ALG8: variants seen among roughly 807,000 people sequenced by gnomAD.
ALG8 encodes ALG8 alpha-1,3-glucosyltransferase.
Under a neutral mutation model 70.2 loss-of-function variants are expected in ALG8, and 48 were observed. The observed-to-expected ratio is 0.68, with a 90% CI of 0.54 to 0.87. ALG8 has a LOEUF of 0.87. ALG8 is among the 40% of genes least tolerant of loss of function. ALG8 has a pLI of 0.00. For missense variants in ALG8, 572 were observed against 608.7 expected (o/e 0.94, Z 0.64); for synonymous variants, 234 against 229.0 (o/e 1.02, Z -0.20).
chr11:78,108,280 AAAAAACAAAAAC>A (rs895083914), intron 9 of ALG8, among the ~76,000 whole-genome samples: 7 of 152,058 alleles, frequency 4.6e-5, no homozygotes, highest in Admixed American at 6.6e-5. Context: ...CTCCCGTCTC[AAAAAACAAAAAC>A]AAAAACAAAA....
intron 10 of ALG8, among the ~76,000 whole-genome samples, chr11:78,105,370 A>C (rs1248858159): frequency 6.6e-6 from 1 of 152,184 alleles, no homozygotes. Flanking sequence ...ACTTACATTT[A>C]AAATGGTTTT....
At chr11:78,132,593 G>A (rs1053341013) in intron 1 of ALG8, among the ~76,000 whole-genome samples, 1 of 152,032 alleles carries the variant, frequency 6.6e-6, no homozygotes, top group Admixed American at 6.6e-5. Flanking sequence ...AGCTACACTG[G>A]CCTTATCATA....
At position 78,103,966 on chromosome 11, in the gene ALG8, AT is replaced by A. The variant is rs767722108; in HGVS notation, c.1349+13del. 21 of 1,390,902 alleles carry A rather than the reference AT, an allele frequency of 1.5e-5. No homozygotes were observed. The highest frequency in any genetic ancestry group is 2.4e-5 in the South Asian group (2 of 83,566). The allele number at this position is 1,390,902 out of a possible 1,614,324, so 86.2% of individuals were successfully genotyped here. ...CACAAGAGTAAGTATAATTTTAAAC[AT>A]TTTTTTGATTACCTGAATAAAGTCT... On this transcript the variant is annotated intron_variant, in intron 12 of 12. Transcript: ENST00000299626.
Position 78,124,072 on chromosome 11 carries a change from T to C in ALG8, c.317A>G (p.Gln106Arg). The C allele has an allele frequency of 1.2e-6, 2 of 1,614,062 alleles. No homozygotes were observed. The highest frequency in any genetic ancestry group is 8.5e-7 in the Non-Finnish European group (1 of 1,179,952). The change falls in exon 3 of 13, where the codon CAG becomes CGG. Residue 106 changes from glutamine to arginine, a missense_variant. By Grantham distance (43) the Gln-to-Arg change is conservative (BLOSUM62 1). Transcript: ENST00000299626. ...ATCCATAAAGATGACGGAAAATCTC[T>C]GGAAAAGTAAGGTCCTTGAGCTGGA... ...NYSSSRTLLF[Q>R]RFSVIFMDVL... is the part of the protein sequence containing the mutation.
chr11:78,126,029 G>A (rs974991372), intron 2 of ALG8, among the ~76,000 whole-genome samples: 2 of 151,894 alleles, frequency 1.3e-5, no homozygotes, highest in African/African-American at 2.4e-5. Context: ...CATGGTGGCG[G>A]GCGCCTGTAG....
At position 78,112,723 on chromosome 11, in the gene ALG8, GC is replaced by G. The variant is rs745894763; in HGVS notation, c.824del (p.Gly275AlafsTer27). 1.9e-6 allele frequency: 3 copies of G among 1,613,920 alleles called. No homozygotes were observed. In the East Asian group the frequency reaches 6.7e-5, roughly 36 times the overall value. On this transcript the variant is annotated frameshift_variant, in exon 8 of 13. Coordinates refer to ENST00000299626, the MANE Select transcript of ALG8 (RefSeq NM_024079.5). LOFTEE classifies it high-confidence loss of function. Reference sequence around the variant, plus strand: ...TTGGAGCCCAATATGCATGACAGAGGCCCCTCTTGAAAGGAAAGAGTCGGGA... The same window carrying G: ...TTGGAGCCCAATATGCATGACAGAGGCCCTCTTGAAAGGAAAGAGTCGGGA... ...VFSRLFPFKRGLCHAYWAPNF... is the reference protein window; with the variant it reads ...VFSRLFPFKRXLCHAYWAPNF...
rs113320745 is a variant in ALG8 at position 78,126,972 on chromosome 11, G to A, written c.174+386C>T. On this transcript the variant is annotated intron_variant, in intron 2 of 12. Transcript: ENST00000299626. ...TTTTATAAAGATTAATTAGATCTAT[G>A]ATTGCAAGAAAATTTTTTTTTTTTT... Among the ~76,000 whole-genome samples the A allele has an allele frequency of 7.1e-3, 1,044 of 146,796 alleles. 7 individuals carry two copies. The highest frequency in any genetic ancestry group is 0.027 in the African/African-American group (1,008 of 37,758).
chr11:78,107,029 A>G (rs1860064569), intron 9 of ALG8, 83 bp from the exon 10 acceptor site: 14 of 1,519,280 alleles, frequency 9.2e-6, no homozygotes, highest in African/African-American at 1.4e-5. Flanking sequence ...TACAATTTGC[A>G]TCATCTCTGA....
chr11:78,129,291 G>A (rs1861205767), intron 1 of ALG8, among the ~76,000 whole-genome samples: 1 of 151,852 alleles, frequency 6.6e-6, no homozygotes, highest in African/African-American at 2.4e-5. Context: ...GTGGTGGTGG[G>A]CGCCTGTAGT....
chr11:78,139,369 G>T lies in ALG8; in HGVS notation c.95+125C>A, dbSNP rs886817645. Reference sequence around the variant, plus strand: ...TGGCGAAACAGAAAGCTTAGCAAAGGCAGGATAGCGACAAACACGACCTAA... The same window carrying T: ...TGGCGAAACAGAAAGCTTAGCAAAGTCAGGATAGCGACAAACACGACCTAA... On this transcript the variant is annotated intron_variant, in intron 1 of 12. Transcript: ENST00000299626. The T allele has an allele frequency of 8.3e-6, 8 of 965,128 alleles. No homozygotes were observed. In the South Asian group the frequency reaches 9.9e-5, roughly 12 times the overall value. The allele number at this position is 965,128 out of a possible 1,614,324, so 59.8% of individuals were successfully genotyped here.
intron 5 of ALG8, among the ~76,000 whole-genome samples, chr11:78,116,753 C>T (rs7940703): frequency 0.021 from 3,223 of 152,164 alleles, 117 homozygotes; most frequent in African/African-American, 0.074. Context: ...CTATCCACCT[C>T]ACAGGAATTT....
intron 9 of ALG8, 140 bp downstream of exon 9, chr11:78,109,302 A>G (rs1355881276): frequency 8.8e-7 from 1 of 1,142,778 alleles, no homozygotes. Flanking sequence ...AATTGCTAGG[A>G]AATGCTTCAA....
chr11:78,119,412 T>C (rs1035089136), intron 4 of ALG8, among the ~76,000 whole-genome samples, 163 bp from the exon 5 acceptor site: 1 of 150,178 alleles, frequency 6.7e-6, no homozygotes, highest in African/African-American at 2.5e-5. Context: ...ATAAACAGAT[T>C]CAAATTTTTT....
intron 3 of ALG8, among the ~76,000 whole-genome samples, chr11:78,123,167 A>G (rs1485772095): frequency 1.3e-5 from 2 of 152,016 alleles, no homozygotes; most frequent in East Asian, 3.9e-4. Flanking sequence ...TTAGCCTGCC[A>G]TGGTGGTGTG....
chr11:78,115,313 C>A (rs555526871), intron 5 of ALG8, among the ~76,000 whole-genome samples: 1 of 151,994 alleles, frequency 6.6e-6, no homozygotes. Flanking sequence ...GGATTACAGG[C>A]GTGAACCGCC....
chr11:78,138,096 A>C (rs1861622568), intron 1 of ALG8, among the ~76,000 whole-genome samples: 2 of 152,204 alleles, frequency 1.3e-5, no homozygotes, highest in South Asian at 4.1e-4. Context: ...CTGTAATCCC[A>C]ACATTATGGG....
rs752380348 is a variant in ALG8, at chr11:78,109,572, A to C, written c.908T>G (p.Leu303Trp). ...DKVLSVIGLK[L>W]KFLDPNNIPK... ...AATATTGTTGGGATCAAGAAATTTC[A>C]ATTTCAAACCTATTAAACAGATATT... Residue 303 changes from leucine to tryptophan, a missense_variant, in exon 9 of 13, where the codon TTG (leucine) becomes TGG (tryptophan). Leu to Trp is a moderately conservative substitution (Grantham distance 61). Transcript: ENST00000299626. 5 of 1,613,910 alleles carry C rather than the reference A, an allele frequency of 3.1e-6. No individual in the cohort carries two copies. Among genetic ancestry groups the C allele is most frequent in the African/African-American group, 1.3e-5 (1 of 74,932 alleles).
chr11:78,108,760 G>T (rs1860153134), intron 9 of ALG8, among the ~76,000 whole-genome samples: 1 of 152,190 alleles, frequency 6.6e-6, no homozygotes, highest in Non-Finnish European at 1.5e-5. Context: ...GTACTGTCAT[G>T]TAATTAAGTG....
Position 78,139,514 on chromosome 11 carries a change from T to C in ALG8, c.75A>G (p.Lys25=). The C allele has an allele frequency of 6.4e-7, 1 of 1,561,532 alleles. No individual in the cohort carries two copies. The change falls in exon 1 of 13, where the codon AAA becomes AAG. Residue 25 remains lysine (K), a synonymous_variant. Transcript: ENST00000299626. ...SALALGVTLL[K]CLLIPTYHST... ...CTTACTATGTGGGGATGAGAAGGCA[T>C]TTGAGAAGAGTCACCCCGAGCGCCA...
Sources: allele counts gnomAD v4.1 joint callset (sites outside exome capture counted in the v4.1 genomes callset), GRCh38; gene constraint gnomAD v4.1.1; transcripts MANE v1.5; gene names NCBI Gene and HGNC (gene_info 2026-07-23, HGNC 2026-07-21).